C8orf34: variants seen among roughly 807,000 people sequenced by gnomAD.
The protein encoded by C8orf34 is chromosome 8 open reading frame 34.
C8orf34 carries 65 observed loss-of-function variants against 68.3 expected under a neutral mutation model. The observed-to-expected ratio is 0.95, with a 90% confidence interval of 0.78 to 1.17. The LOEUF (loss-of-function observed/expected upper bound fraction) is 1.17. C8orf34 is among the 50% of genes most tolerant of loss of function. The pLI, the probability that C8orf34 is intolerant of heterozygous loss-of-function variation, is 0.00. For missense variants in C8orf34, 664 were observed against 655.4 expected, an observed-to-expected ratio of 1.01 and a Z score of -0.14; for synonymous variants, 244 against 241.2, an observed-to-expected ratio of 1.01 and a Z score of -0.11.
chr8:68,665,538 T>C (rs541867213), intron 8 of C8orf34, among the ~76,000 whole-genome samples: 68 of 152,186 alleles, frequency 4.5e-4, no homozygotes, highest in Non-Finnish European at 7.5e-4. Context: ...GTGCTGATGC[T>C]GCCCCTTTTC....
chr8:68,389,191 C>A (rs7009700), intron 1 of C8orf34, among the ~76,000 whole-genome samples: 4 of 152,036 alleles, frequency 2.6e-5, no homozygotes, highest in African/African-American at 9.7e-5. Context: ...CTCATGGAGC[C>A]TGTTATATAT....
chr8:68,491,953 C>A (rs1813331530), intron 5 of C8orf34, among the ~76,000 whole-genome samples: 1 of 152,286 alleles, frequency 6.6e-6, no homozygotes, highest in African/African-American at 2.4e-5. Context: ...AGTTTCCCTC[C>A]AGTAGGGTGG....
chr8:68,671,202 C>T (rs1819997355), intron 8 of C8orf34, among the ~76,000 whole-genome samples: 1 of 152,130 alleles, frequency 6.6e-6, no homozygotes, highest in African/African-American at 2.4e-5. Flanking sequence ...ATTTTTCAAA[C>T]TCAATTTGAC....
chr8:68,492,429 A>C (rs910378724), intron 5 of C8orf34, among the ~76,000 whole-genome samples: 1 of 151,714 alleles, frequency 6.6e-6, no homozygotes, highest in African/African-American at 2.4e-5. Context: ...GGGTCTTACT[A>C]TGTTGCTCAA....
At chr8:68,516,176 A>T (rs1283448312) in intron 5 of C8orf34, among the ~76,000 whole-genome samples, 2 of 152,212 alleles carry the variant, frequency 1.3e-5, no homozygotes, top group Non-Finnish European at 2.9e-5. Context: ...TAAAAAGCAC[A>T]TTAATCAGTG....
chr8:68,815,831 T>C, intron 12 of C8orf34, 55 bp from the exon 13 acceptor site: 1 of 1,613,130 alleles, frequency 6.2e-7, no homozygotes, highest in Non-Finnish European at 8.5e-7. Context: ...GAATGGTATT[T>C]AATCGATGAT....
intron 10 of C8orf34, among the ~76,000 whole-genome samples, chr8:68,748,773 T>A (rs1563646565): frequency 6.6e-6 from 1 of 152,200 alleles, no homozygotes; most frequent in Non-Finnish European, 1.5e-5. Context: ...ATAGGAACAC[T>A]TCTACACTGT....
At chr8:68,666,514 C>T (rs760477833) in intron 8 of C8orf34, among the ~76,000 whole-genome samples, 4 of 152,144 alleles carry the variant, frequency 2.6e-5, no homozygotes, top group Non-Finnish European at 5.9e-5. Context: ...ATTGCTTTAG[C>T]AAATGATGTG....
At chr8:68,622,138 C>T in intron 7 of C8orf34, among the ~76,000 whole-genome samples, 1 of 152,236 alleles carries the variant, frequency 6.6e-6, no homozygotes, top group South Asian at 2.1e-4. Context: ...CCAGAGGCCA[C>T]CTTCAGTTCC....
At chr8:68,805,795 A>G (rs1299138072) in intron 12 of C8orf34, among the ~76,000 whole-genome samples, 3 of 152,136 alleles carry the variant, frequency 2.0e-5, no homozygotes, top group Non-Finnish European at 4.4e-5. Context: ...CTTTCTGTTT[A>G]ACTCATTTAG....
At chr8:68,750,282 A>G (rs1390551806) in intron 10 of C8orf34, among the ~76,000 whole-genome samples, 2 of 152,152 alleles carry the variant, frequency 1.3e-5, no homozygotes, top group Non-Finnish European at 2.9e-5. Flanking sequence ...CATAAGAAAT[A>G]GAGTTCTATT....
At chr8:68,712,640 A>T (rs1429705028) in intron 9 of C8orf34, among the ~76,000 whole-genome samples, 1 of 152,194 alleles carries the variant, frequency 6.6e-6, no homozygotes, top group Non-Finnish European at 1.5e-5. Flanking sequence ...ATAGGAAAAT[A>T]TCACAATCCT....
chr8:68,738,905 T>C (rs943271281), intron 10 of C8orf34, among the ~76,000 whole-genome samples: 2 of 152,024 alleles, frequency 1.3e-5, no homozygotes, highest in African/African-American at 2.4e-5. Context: ...AAAAAATTAA[T>C]GAGGAGGGGC....
chr8:68,480,970 A>G (rs1398103373), intron 4 of C8orf34, among the ~76,000 whole-genome samples: 1 of 152,230 alleles, frequency 6.6e-6, no homozygotes. Context: ...ATAAGTAGCC[A>G]GGAACCTAAT....
At chr8:68,432,790 C>G (rs1164851721) in intron 1 of C8orf34, among the ~76,000 whole-genome samples, 2 of 152,064 alleles carry the variant, frequency 1.3e-5, no homozygotes, top group African/African-American at 4.8e-5. Flanking sequence ...GTCCTGTTCT[C>G]ACTGTGCATG....
At chr8:68,604,303 G>GT (rs11313390) in intron 7 of C8orf34, among the ~76,000 whole-genome samples, 35 of 148,798 alleles carry the variant, frequency 2.4e-4, no homozygotes, top group East Asian at 1.4e-3. Flanking sequence ...ACATTGAGTT[G>GT]TTTTTTTTTT....
rs543743065 is a variant in C8orf34, at chr8:68,410,499, A to G, written c.328-29000A>G. On this transcript the variant is annotated intron_variant, in intron 1 of 13. Transcript: ENST00000518698. Reference sequence around the variant, plus strand: ...ATATAAAAATACTACAATGTTTTATATCAAGGACTTGAGCATCCTCAAACT... The same window carrying G: ...ATATAAAAATACTACAATGTTTTATGTCAAGGACTTGAGCATCCTCAAACT... Among the ~76,000 whole-genome samples the G allele has an allele frequency of 2.5e-3, 385 of 152,294 alleles. 4 individuals are homozygous for G. The highest frequency in any genetic ancestry group is 8.7e-3 in the African/African-American group (362 of 41,566).
intron 11 of C8orf34, among the ~76,000 whole-genome samples, chr8:68,782,097 T>A (rs1823693266): frequency 6.6e-6 from 1 of 152,238 alleles, no homozygotes; most frequent in African/African-American, 2.4e-5. Flanking sequence ...ATGATCACTT[T>A]AAATTTTTCT....
At chr8:68,369,178 T>C (rs142729080) in intron 1 of C8orf34, among the ~76,000 whole-genome samples, 2 of 152,360 alleles carry the variant, frequency 1.3e-5, no homozygotes, top group Non-Finnish European at 2.9e-5. Context: ...TCACTATTCC[T>C]AGACATCCTT....
Sources: allele counts gnomAD v4.1 joint callset (sites outside exome capture counted in the v4.1 genomes callset), GRCh38; gene constraint gnomAD v4.1.1; transcripts MANE v1.5; gene names NCBI Gene and HGNC (gene_info 2026-07-23, HGNC 2026-07-21).